MAP3K15: variants seen among roughly 807,000 people sequenced by gnomAD.
MAP3K15 encodes MAPK/ERK kinase kinase 15.
In MAP3K15, 124 loss-of-function variants were observed where a neutral mutation model predicts 99.5. The ratio of observed to expected loss-of-function variants is 1.25; its 90% CI spans 1.08 to 1.45. The LOEUF is 1.45. Among genes scored for constraint, MAP3K15 ranks in the 40% most tolerant of loss-of-function variants. MAP3K15 has a pLI of 0.00. For missense variants in MAP3K15, 1,242 were observed against 1,079.7 expected (o/e 1.15, Z -2.11); for synonymous variants, 494 against 439.6 (o/e 1.12, Z -1.55).
At chrX:19,501,312 A>C (rs766947669) in intron 1 of MAP3K15, among the ~76,000 whole-genome samples, 41 of 112,139 alleles carry the variant, frequency 3.7e-4, no homozygotes, top group African/African-American at 1.1e-3. Flanking sequence ...AATAACATAC[A>C]GTATAGAAAA....
At chrX:19,370,921 G>A (rs760453265) in intron 24 of MAP3K15, 38 bp downstream of exon 24, 5 of 993,476 alleles carry the variant, frequency 5.0e-6, no homozygotes, top group Non-Finnish European at 5.7e-6. Context: ...ATCTTTTCAC[G>A]GCCTAAAGCT....
intron 6 of MAP3K15, among the ~76,000 whole-genome samples, chrX:19,440,407 A>G (rs2063951051): frequency 8.8e-6 from 1 of 113,007 alleles, no homozygotes; most frequent in South Asian, 3.6e-4. Flanking sequence ...GTATTTACAT[A>G]CATGGAAGGG....
chrX:19,446,441 C>T (rs910820423), intron 6 of MAP3K15, among the ~76,000 whole-genome samples: 2 of 111,847 alleles, frequency 1.8e-5, no homozygotes, highest in African/African-American at 6.5e-5. Context: ...AAAAAGATGA[C>T]TATAAGGTCT....
rs755471646 is a variant in MAP3K15 at position 19,500,317 on chromosome X, A to G, written c.362-11350T>C. On this transcript the variant is annotated intron_variant, in intron 1 of 28. Coordinates refer to ENST00000338883, the MANE Select transcript of MAP3K15 (RefSeq NM_001001671.4). ...AGGTAGGGAATGGATAGAGGTAAAG[A>G]AGAAATGAGAACAGCAGGATGTTAA... Among the ~76,000 whole-genome samples, 109 of 112,131 alleles carry G rather than the reference A, an allele frequency of 9.7e-4. 5 individuals carry two copies. Among genetic ancestry groups the G allele is most frequent in the Non-Finnish European group, 3.0e-4 (16 of 53,276 alleles).
intron 13 of MAP3K15, among the ~76,000 whole-genome samples, chrX:19,402,634 T>C (rs1175255496): frequency 9.0e-6 from 1 of 111,569 alleles, no homozygotes; most frequent in Non-Finnish European, 1.9e-5. Context: ...AGAGAAAGAA[T>C]GAACTGATAT....
chrX:19,473,059 G>A (rs957985531), intron 3 of MAP3K15, among the ~76,000 whole-genome samples: 3 of 112,158 alleles, frequency 2.7e-5, no homozygotes, highest in Non-Finnish European at 3.8e-5. Context: ...CGGAGCAAAC[G>A]TTTAGCCATA....
chrX:19,476,873 A>T lies in MAP3K15; in HGVS notation c.525+9609T>A, dbSNP rs147615347. The stretch of plus-strand genomic sequence containing the variant: ...AGAGCTGGCACAAATCTCAAAAGTC[A>T]CCTCATTAAAATCATCTCATTTAAC... On this transcript the variant is annotated intron_variant, in intron 3 of 28. Coordinates refer to ENST00000338883, the MANE Select transcript of MAP3K15 (RefSeq NM_001001671.4). Among the ~76,000 whole-genome samples, 658 of 111,610 alleles carry T rather than the reference A, an allele frequency of 5.9e-3. 8 individuals carry two copies. The highest frequency in any genetic ancestry group is 0.02 in the African/African-American group (613 of 30,747).
At chrX:19,503,022 C>T (rs999906700) in intron 1 of MAP3K15, among the ~76,000 whole-genome samples, 2 of 111,287 alleles carry the variant, frequency 1.8e-5, no homozygotes, top group East Asian at 2.8e-4. Context: ...CTGGATGAGA[C>T]AAGATGGTGC....
intron 7 of MAP3K15, 78 bp from the exon 8 acceptor site, chrX:19,426,421 A>C: frequency 2.7e-4 from 162 of 592,874 alleles, no homozygotes; most frequent in Non-Finnish European, 3.1e-4. Context: ...CAACTTTCTC[A>C]TGAAAAGTTT....
chrX:19,508,099 C>T (rs2064492217), intron 1 of MAP3K15, among the ~76,000 whole-genome samples: 1 of 110,366 alleles, frequency 9.1e-6, no homozygotes, highest in African/African-American at 3.3e-5. Context: ...AATTCCTGAC[C>T]TCAGGTGATC....
At chrX:19,466,852 A>G (rs1240870237) in intron 3 of MAP3K15, among the ~76,000 whole-genome samples, 2 of 112,302 alleles carry the variant, frequency 1.8e-5, no homozygotes, top group Non-Finnish European at 3.8e-5. Context: ...AAAGACAACC[A>G]TAACTGATGA....
intron 9 of MAP3K15, among the ~76,000 whole-genome samples, chrX:19,423,880 G>C (rs2063807489): frequency 9.0e-6 from 1 of 111,712 alleles, no homozygotes; most frequent in African/African-American, 3.3e-5. Flanking sequence ...AATATCAGCT[G>C]CATGAAGACT....
intron 3 of MAP3K15, among the ~76,000 whole-genome samples, chrX:19,484,644 GA>G (rs1424196573): frequency 8.1e-5 from 9 of 111,779 alleles, no homozygotes; most frequent in Admixed American, 4.7e-4. Context: ...TCTGAGTACT[GA>G]TGCATCCAAC....
At chrX:19,411,607 AG>A (rs1412829384) in intron 11 of MAP3K15, among the ~76,000 whole-genome samples, 1 of 110,463 alleles carries the variant, frequency 9.1e-6, no homozygotes, top group African/African-American at 3.3e-5. Context: ...AAGATAGGGC[AG>A]GGGGTCACGT....
At chrX:19,398,120 G>A in intron 15 of MAP3K15, 106 bp downstream of exon 15, 3 of 906,810 alleles carry the variant, frequency 3.3e-6, no homozygotes, top group South Asian at 2.4e-5. Context: ...AGGTTTTGTG[G>A]TAACACAATG....
intron 17 of MAP3K15, 50 bp from the exon 18 acceptor site, chrX:19,392,157 T>A: frequency 1.8e-6 from 2 of 1,094,553 alleles, no homozygotes; most frequent in South Asian, 3.8e-5. Context: ...TGAAACGAAC[T>A]CATATGAAAC....
At chrX:19,445,248 G>T (rs768026059) in intron 6 of MAP3K15, among the ~76,000 whole-genome samples, 2 of 109,937 alleles carry the variant, frequency 1.8e-5, no homozygotes, top group African/African-American at 6.6e-5. Context: ...TTTTGGGGTG[G>T]GGGGAGACCT....
At chrX:19,365,908 G>A (rs1469277143) in intron 25 of MAP3K15, among the ~76,000 whole-genome samples, 1 of 106,373 alleles carries the variant, frequency 9.4e-6, no homozygotes, top group Non-Finnish European at 1.9e-5. Context: ...TCGGGAGGCT[G>A]AGGCAGGAGA....
At chrX:19,452,848 ATT>A (rs1009019701) in intron 6 of MAP3K15, among the ~76,000 whole-genome samples, 1 of 104,898 alleles carries the variant, frequency 9.5e-6, no homozygotes, top group Non-Finnish European at 2.0e-5. Context: ...TTTTCTTGCA[ATT>A]TTTTTTTTTT....
Sources: gnomAD v4.1 joint callset for allele counts (sites outside exome capture counted in the v4.1 genomes callset) on GRCh38, gnomAD v4.1.1 for gene constraint, MANE v1.5 for transcripts, NCBI Gene and HGNC (gene_info 2026-07-23, HGNC 2026-07-21) for gene names.